The following GNG12 variants were observed in gnomAD, a reference collection of about 807,000 sequenced individuals.
The protein encoded by GNG12 is guanine nucleotide-binding protein G(I)/G(S)/G(O) subunit gamma-12.
For synonymous variants in GNG12, 28 were observed against 29.7 expected, an observed-to-expected ratio of 0.94 and a Z score of 0.19; for missense variants, 69 against 83.8, an observed-to-expected ratio of 0.82 and a Z score of 0.69.
chr1:67,710,519 T>C (rs1246851558), intron 2 of GNG12, among the ~76,000 whole-genome samples: 1 of 151,964 alleles, frequency 6.6e-6, no homozygotes, highest in Admixed American at 6.6e-5. Context: ...GGACCAGTAA[T>C]TGCTCCCACC....
In GNG12 at chr1:67,706,813, C is replaced by T. The variant is rs142824847; in HGVS notation, c.93+781G>A. Among the ~76,000 whole-genome samples, 1,405 of 152,072 alleles carry T rather than the reference C, an allele frequency of 9.2e-3. 27 individuals are homozygous for T. Among genetic ancestry groups the T allele is most frequent in the African/African-American group, 0.032 (1,338 of 41,484 alleles). ...TGGGATTATAGGCGTGCGCACGCCA[C>T]CGTGCCTGGCTAATTTTGTATTTTT... On this transcript the variant is annotated intron_variant, in intron 3 of 3. Transcript: ENST00000370982.
chr1:67,781,788 G>A (rs1646738973), intron 1 of GNG12, among the ~76,000 whole-genome samples: 1 of 152,118 alleles, frequency 6.6e-6, no homozygotes, highest in Non-Finnish European at 1.5e-5. Context: ...AGGGAGTCAA[G>A]CAACTTGGTC....
At chr1:67,800,435 A>G (rs922863902) in intron 1 of GNG12, among the ~76,000 whole-genome samples, 5 of 152,212 alleles carry the variant, frequency 3.3e-5, no homozygotes, top group Non-Finnish European at 7.3e-5. Flanking sequence ...AATGTCTGCC[A>G]AATATCCAAG....
chr1:67,810,503 C>G (rs1938438), intron 1 of GNG12, among the ~76,000 whole-genome samples: 111,181 of 152,040 alleles, frequency 0.73, 40,799 homozygotes, highest in Middle Eastern at 0.8. Context: ...TATGCATAGG[C>G]ACAGTGGGTA....
chr1:67,761,926 A>G (rs1236476195), intron 2 of GNG12, among the ~76,000 whole-genome samples: 1 of 152,142 alleles, frequency 6.6e-6, no homozygotes, highest in Non-Finnish European at 1.5e-5. Context: ...TGCCACCTGC[A>G]GTCAGACCAC....
chr1:67,825,578 C>A (rs1647006563), intron 1 of GNG12, among the ~76,000 whole-genome samples: 1 of 152,196 alleles, frequency 6.6e-6, no homozygotes, highest in African/African-American at 2.4e-5. Flanking sequence ...GACAAACTCT[C>A]TGAGTTTGTG....
chr1:67,786,935 A>ATATATG (rs1332684243), intron 1 of GNG12, among the ~76,000 whole-genome samples: 121 of 133,464 alleles, frequency 9.1e-4, no homozygotes, highest in East Asian at 1.5e-3. Context: ...TTATATATAT[A>ATATATG]TGTGTGTGTG....
chr1:67,833,250 A>T, intron 1 of GNG12, 94 bp downstream of exon 1: 1 of 261,674 alleles, frequency 3.8e-6, no homozygotes, highest in Non-Finnish European at 5.9e-6. Context: ...CGGGACTCGG[A>T]GGCGGCCCCC....
At chr1:67,816,583 C>G (rs2100815680) in intron 1 of GNG12, among the ~76,000 whole-genome samples, 1 of 152,278 alleles carries the variant, frequency 6.6e-6, no homozygotes, top group East Asian at 1.9e-4. Context: ...TCATCCCCAC[C>G]CCAGGTTTCC....
At chr1:67,829,566 A>T (rs1647031458) in intron 1 of GNG12, among the ~76,000 whole-genome samples, 1 of 152,238 alleles carries the variant, frequency 6.6e-6, no homozygotes, top group African/African-American at 2.4e-5. Flanking sequence ...TTTAATGTTA[A>T]CATTTATTGA....
At chr1:67,833,072 C>T (rs2100838482) in intron 1 of GNG12, among the ~76,000 whole-genome samples, 1 of 151,908 alleles carries the variant, frequency 6.6e-6, no homozygotes, top group Non-Finnish European at 1.5e-5. Flanking sequence ...CCGTCGAGGG[C>T]GCGCGCGCCG....
chr1:67,721,506 G>T (rs957752676), intron 2 of GNG12, among the ~76,000 whole-genome samples: 1 of 152,102 alleles, frequency 6.6e-6, no homozygotes, highest in Admixed American at 6.5e-5. Context: ...AAAGCTTAAG[G>T]ACCACCCCAC....
intron 1 of GNG12, among the ~76,000 whole-genome samples, chr1:67,812,454 G>A (rs1646931508): frequency 6.6e-6 from 1 of 152,174 alleles, no homozygotes; most frequent in South Asian, 2.1e-4. Flanking sequence ...AGAGAGCCAG[G>A]TCTAAAGTCA....
chr1:67,805,786 C>T (rs1205618149), intron 1 of GNG12, among the ~76,000 whole-genome samples: 1 of 151,282 alleles, frequency 6.6e-6, no homozygotes, highest in African/African-American at 2.4e-5. Flanking sequence ...AGACACCAAA[C>T]CACAGAATTC....
chr1:67,825,635 C>G (rs370588012), intron 1 of GNG12, among the ~76,000 whole-genome samples: 1 of 152,202 alleles, frequency 6.6e-6, no homozygotes, highest in African/African-American at 2.4e-5. Context: ...AAACTAGAAG[C>G]CTTTTTCCAG....
At chr1:67,715,178 A>G (rs980036223) in intron 2 of GNG12, among the ~76,000 whole-genome samples, 3 of 152,062 alleles carry the variant, frequency 2.0e-5, no homozygotes, top group African/African-American at 7.2e-5. Flanking sequence ...CACCCTCTCA[A>G]AGTGTTGGGA....
intron 2 of GNG12, among the ~76,000 whole-genome samples, chr1:67,732,663 A>G (rs1338093070): frequency 1.3e-5 from 2 of 152,166 alleles, no homozygotes; most frequent in Non-Finnish European, 2.9e-5. Context: ...TTTCATGTCT[A>G]TTATCACACC....
chr1:67,706,989 C>T (rs1361126905), intron 3 of GNG12, among the ~76,000 whole-genome samples: 1 of 152,174 alleles, frequency 6.6e-6, no homozygotes, highest in Non-Finnish European at 1.5e-5. Context: ...AAGAACTAGT[C>T]ATAACATTCC....
chr1:67,823,043 C>T (rs1646993004), intron 1 of GNG12, among the ~76,000 whole-genome samples: 1 of 152,202 alleles, frequency 6.6e-6, no homozygotes, highest in Admixed American at 6.5e-5. Flanking sequence ...TCTTCTCTTT[C>T]ACCCTGGAAA....
Sources: allele counts gnomAD v4.1 joint callset (sites outside exome capture counted in the v4.1 genomes callset), GRCh38; gene constraint gnomAD v4.1.1; transcripts MANE v1.5; gene names NCBI Gene and HGNC (gene_info 2026-07-23, HGNC 2026-07-21).